The following ZBTB8B variants were observed in gnomAD, a reference collection of about 807,000 sequenced individuals.
ZBTB8B encodes zinc finger and BTB domain-containing protein 8B.
ZBTB8B carries 17 observed loss-of-function variants against 30.3 expected under a neutral mutation model. That is an observed-to-expected ratio of 0.56 (90% CI 0.38 to 0.84). The LOEUF is 0.84. ZBTB8B is among the 40% of genes least tolerant of loss of function. The probability of loss-of-function intolerance (pLI) is 0.00; values close to 1 mark genes in which losing one functional copy is unlikely to be tolerated. For missense variants in ZBTB8B, 515 were observed against 644.9 expected (o/e 0.80, Z 2.18); for synonymous variants, 248 against 255.6 (o/e 0.97, Z 0.28).
chr1:32,496,550 T>C lies in ZBTB8B; in HGVS notation c.*11132T>C, dbSNP rs922442191. 6.6e-6 allele frequency: 1 copy of C among 152,214 alleles called. No individual in the cohort carries two copies. The highest frequency in any genetic ancestry group is 1.5e-5 in the Non-Finnish European group (1 of 68,036). The allele number at this position is 152,214 out of a possible 1,614,324, so 9.4% of individuals were successfully genotyped here. On this transcript the variant is annotated 3_prime_UTR_variant, in exon 4 of 4. Transcript: ENST00000609129. ...ACAGTTTCTGCTTTTTGGAATTGAA[T>C]TGGTTTTTAAGTGGTAATGTACCAG...
Position 32,470,967 on chromosome 1 carries a change from A to G in ZBTB8B, c.343A>G (p.Lys115Glu). Residue 115 changes from lysine (K) to glutamate (E), a missense_variant, in exon 2 of 4, where the codon AAG becomes GAG. By Grantham distance (56) the Lys-to-Glu change is moderately conservative. Coordinates refer to ENST00000609129, the MANE Select transcript of ZBTB8B (RefSeq NM_001145720.2). ...LQMNDVVNFC[K>E]TYIRSSLDIC... ...GATGAATGACGTGGTGAACTTCTGC[A>G]AGACATACATTAGGTCATCCCTCGA... The G allele has an allele frequency of 6.4e-7, 1 of 1,552,288 alleles. No homozygotes were observed. Among genetic ancestry groups the G allele is most frequent in the Non-Finnish European group, 8.7e-7 (1 of 1,147,124 alleles).
At chr1:32,468,697 C>T (rs889830102) in intron 1 of ZBTB8B, among the ~76,000 whole-genome samples, 1 of 152,056 alleles carries the variant, frequency 6.6e-6, no homozygotes, top group African/African-American at 2.4e-5. Flanking sequence ...CCCATCTCTA[C>T]TAAAATACAA....
chr1:32,471,215 C>T lies in ZBTB8B; in HGVS notation c.591C>T (p.Cys197=), dbSNP rs1441680882. 43 of 1,551,804 alleles carry T rather than the reference C, an allele frequency of 2.8e-5. No homozygotes were observed. Among genetic ancestry groups the T allele is most frequent in the Non-Finnish European group, 3.7e-5 (43 of 1,147,038 alleles). ...ECLRESPCGD[C]GDCHPLELVV... ...TGAGAGAGTCCCCTTGCGGTGACTG[C>T]GGAGACTGCCACCCCTTGGAACTGG... The change falls in exon 2 of 4, where the codon TGC becomes TGT. Residue 197 remains cysteine, a synonymous_variant. Transcript: ENST00000609129.
chr1:32,477,849 G>A (rs1643675689), intron 2 of ZBTB8B, among the ~76,000 whole-genome samples: 1 of 151,994 alleles, frequency 6.6e-6, no homozygotes, highest in African/African-American at 2.4e-5. Flanking sequence ...CTGGGGTCAG[G>A]AGTTTGAGAT....
At chr1:32,474,587 T>C (rs1365899355) in intron 2 of ZBTB8B, among the ~76,000 whole-genome samples, 2 of 151,424 alleles carry the variant, frequency 1.3e-5, no homozygotes, top group Non-Finnish European at 2.9e-5. Context: ...CTGTTTCTGG[T>C]TCTGAGACAC....
intron 2 of ZBTB8B, among the ~76,000 whole-genome samples, chr1:32,474,343 CAAAA>C (rs57001984): frequency 1.7e-3 from 67 of 39,162 alleles, no homozygotes; most frequent in African/African-American, 6.3e-3. Flanking sequence ...CCCATCTCTA[CAAAA>C]AAAAAAAAAA....
rs1237414476 is a variant in ZBTB8B, at chr1:32,486,396, A to G, written c.*978A>G. The G allele has an allele frequency of 6.6e-6, 1 of 152,312 alleles. No individual in the cohort carries two copies. Among genetic ancestry groups the G allele is most frequent in the East Asian group, 1.9e-4 (1 of 5,208 alleles). 9.4% of individuals were successfully genotyped at this position (152,312 alleles called of 1,614,324 possible). ...GGTGTTAGACAGCAGCTTGTATTGA[A>G]GCAGCAGTGCCCAACAGCAGCTAAG... On this transcript the variant is annotated 3_prime_UTR_variant, in exon 4 of 4. Coordinates refer to ENST00000609129, the MANE Select transcript of ZBTB8B (RefSeq NM_001145720.2).
Position 32,488,285 on chromosome 1 carries a change from A to G in ZBTB8B, c.*2867A>G, listed in dbSNP as rs1192938962. On this transcript the variant is annotated 3_prime_UTR_variant, in exon 4 of 4. Coordinates refer to ENST00000609129, the MANE Select transcript of ZBTB8B (RefSeq NM_001145720.2). ...GTTATTTTAAAAGAGGGATCTCAGC[A>G]AAAAGGAAACCTAAATGGATGTGTA... 6.6e-6 allele frequency: 1 copy of G among 152,252 alleles called. No individual in the cohort carries two copies. The highest frequency in any genetic ancestry group is 2.4e-5 in the African/African-American group (1 of 41,470). The allele number at this position is 152,252 out of a possible 1,614,324, so 9.4% of individuals were successfully genotyped here.
At position 32,485,398 on chromosome 1, in the gene ZBTB8B, G is replaced by T; in HGVS notation, c.1468G>T (p.Asp490Tyr). The change falls in exon 4 of 4, where the codon GAC becomes TAC. Residue 490 changes from aspartate to tyrosine, a missense_variant. Asp to Tyr is a radical substitution (Grantham distance 160). This residue lies in a region of ZBTB8B where 429 missense variants were observed against 504.3 expected (regional missense o/e 0.85). Transcript: ENST00000609129. ...DKPQIQPNLS[D>Y]RETLT ...ACCACAAATTCAGCCTAACTTATCA[G>T]ACCGAGAGACACTTACGTAGCAATA... is the stretch of plus-strand genomic sequence containing the variant. 6.4e-7 allele frequency: 1 copy of T among 1,551,220 alleles called. No individual in the cohort carries two copies. The highest frequency in any genetic ancestry group is 1.2e-5 in the South Asian group (1 of 84,046).
intron 2 of ZBTB8B, 134 bp from the exon 3 acceptor site, chr1:32,480,757 T>C: frequency 1.4e-6 from 1 of 737,048 alleles, no homozygotes; most frequent in Non-Finnish European, 2.1e-6. Context: ...TGCTGTTGGC[T>C]GGTGGCGGAG....
At chr1:32,482,411 A>G (rs1027552319) in intron 3 of ZBTB8B, among the ~76,000 whole-genome samples, 4 of 151,926 alleles carry the variant, frequency 2.6e-5, no homozygotes, top group Non-Finnish European at 5.9e-5. Flanking sequence ...AGGGGCTCAC[A>G]CCTGTAATCC....
At chr1:32,478,045 A>C (rs1031306352) in intron 2 of ZBTB8B, among the ~76,000 whole-genome samples, 10 of 151,660 alleles carry the variant, frequency 6.6e-5, no homozygotes, top group Non-Finnish European at 2.9e-5. Flanking sequence ...CAACAAAAGC[A>C]AAACTCCGTC....
chr1:32,485,946 C>G lies in ZBTB8B; in HGVS notation c.*528C>G, dbSNP rs1049330247. 6.4e-6 allele frequency: 1 copy of G among 156,024 alleles called. No individual in the cohort carries two copies. The highest frequency in any genetic ancestry group is 2.4e-5 in the African/African-American group (1 of 41,434). 9.7% of individuals were successfully genotyped at this position (156,024 alleles called of 1,614,324 possible). On this transcript the variant is annotated 3_prime_UTR_variant, in exon 4 of 4. Coordinates refer to ENST00000609129, the MANE Select transcript of ZBTB8B (RefSeq NM_001145720.2). ...TCTGGCTACATGATCATAAAAGGTACTCCCTAAATCTAGAACAATTTTAAA... is the reference window on the plus strand; with the variant it reads ...TCTGGCTACATGATCATAAAAGGTAGTCCCTAAATCTAGAACAATTTTAAA...
At chr1:32,466,462 T>A (rs1643571303) in intron 1 of ZBTB8B, among the ~76,000 whole-genome samples, 1 of 152,146 alleles carries the variant, frequency 6.6e-6, no homozygotes, top group South Asian at 2.1e-4. Context: ...TAAATGTGCT[T>A]CTGAGAGCAG....
chr1:32,467,366 C>T (rs1643579291), intron 1 of ZBTB8B, among the ~76,000 whole-genome samples: 1 of 151,830 alleles, frequency 6.6e-6, no homozygotes, highest in Non-Finnish European at 1.5e-5. Flanking sequence ...ATTCTCCTGC[C>T]TCAGCCTCCC....
At chr1:32,478,373 A>G (rs536969709) in intron 2 of ZBTB8B, among the ~76,000 whole-genome samples, 1 of 152,020 alleles carries the variant, frequency 6.6e-6, no homozygotes, top group Non-Finnish European at 1.5e-5. Flanking sequence ...TTAGCCAGGC[A>G]TGGTGGTGTG....
chr1:32,465,372 G>A lies in ZBTB8B; in HGVS notation c.-42+267G>A, dbSNP rs1473411444. On this transcript the variant is annotated intron_variant, in intron 1 of 3. Transcript: ENST00000609129. This position sits in a 1 kb window ranked among gnomAD's most constrained non-coding sequence, Gnocchi z 4.1. ...TCGTCCAGCCGGGGGTCGCGGCGCC[G>A]ACTACTTCCACGGTGAATGGTGCCC... 6.6e-6 allele frequency among the ~76,000 whole-genome samples: 1 copy of A among 152,142 alleles called. No homozygotes were observed. Among genetic ancestry groups the A allele is most frequent in the African/African-American group, 2.4e-5 (1 of 41,414 alleles).
chr1:32,472,442 T>C (rs1643631439), intron 2 of ZBTB8B, among the ~76,000 whole-genome samples: 1 of 152,214 alleles, frequency 6.6e-6, no homozygotes, highest in African/African-American at 2.4e-5. Flanking sequence ...ATCTTAGATT[T>C]CCTCTATGCT....
At position 32,470,737 on chromosome 1, in the gene ZBTB8B, A is replaced by G. The variant is rs1643610949; in HGVS notation, c.113A>G (p.His38Arg). 1.3e-6 allele frequency: 2 copies of G among 1,551,732 alleles called. No individual in the cohort carries two copies. Among genetic ancestry groups the G allele is most frequent in the Non-Finnish European group, 8.7e-7 (1 of 1,147,042 alleles). Residue 38 changes from histidine to arginine, a missense_variant, in exon 2 of 4, where the codon CAC becomes CGC. Transcript: ENST00000609129. ...GTGGAAGGGCGGATCTTCAAGGCCCACAGGAACATTTTGTTTGCTAACAGC... is the reference window on the plus strand; with the variant it reads ...GTGGAAGGGCGGATCTTCAAGGCCCGCAGGAACATTTTGTTTGCTAACAGC... ...IIVEGRIFKAHRNILFANSGY... is the reference protein window; with the variant it reads ...IIVEGRIFKARRNILFANSGY...
Sources: gnomAD v4.1 joint callset for allele counts (sites outside exome capture counted in the v4.1 genomes callset) on GRCh38, gnomAD v4.1.1 for gene constraint, gnomAD v4.1.1 regional missense constraint, Gnocchi (gnomAD v3.1) non-coding constraint, MANE v1.5 for transcripts, NCBI Gene and HGNC (gene_info 2026-07-23, HGNC 2026-07-21) for gene names.